The following LYG2 variants were observed in gnomAD, a reference collection of about 807,000 sequenced individuals.
LYG2 encodes lysozyme g2.
Under a neutral mutation model 22.4 loss-of-function variants are expected in LYG2, and 25 were observed. The ratio of observed to expected loss-of-function variants is 1.12; its 90% CI spans 0.81 to 1.56. The LOEUF (loss-of-function observed/expected upper bound fraction) is 1.56. Ranked by LOEUF, LYG2 falls within the 40% of genes most tolerant of loss-of-function variation. The pLI, the probability that LYG2 is intolerant of heterozygous loss-of-function variation, is 0.00. For synonymous variants in LYG2, 88 were observed against 97.0 expected (o/e 0.91, Z 0.55); for missense variants, 266 against 269.5 (o/e 0.99, Z 0.09).
chr2:99,250,863 G>A (rs1314390745), intron 3 of LYG2, among the ~76,000 whole-genome samples: 1 of 152,238 alleles, frequency 6.6e-6, no homozygotes, highest in Non-Finnish European at 1.5e-5. Flanking sequence ...TTAGGGACTG[G>A]TTGAGTAAGT....
Position 99,243,789 on chromosome 2 carries a change from AC to A in LYG2, c.520+209del, listed in dbSNP as rs1439869325. ...CAGTAAGCAATGAATAAGAACCCCA[AC>A]ATTCTGCAGAAGAGGAAATGGAGGT... On this transcript the variant is annotated intron_variant, in intron 6 of 6. Transcript: ENST00000333017. The A allele has an allele frequency of 1.6e-4, 99 of 608,984 alleles. 2 individuals are homozygous for A. In the East Asian group the frequency reaches 2.8e-3, roughly 17 times the overall value. 37.7% of individuals were successfully genotyped at this position (608,984 alleles called of 1,614,324 possible).
chr2:99,260,651 C>T (rs1307380231), upstream of LYG2, among the ~76,000 whole-genome samples: 1 of 152,114 alleles, frequency 6.6e-6, no homozygotes, highest in African/African-American at 2.4e-5. Context: ...CTGGGAGTGA[C>T]TTGAATATAA....
chr2:99,248,055 T>C (rs1318817109), intron 3 of LYG2, among the ~76,000 whole-genome samples: 1 of 152,156 alleles, frequency 6.6e-6, no homozygotes, highest in Non-Finnish European at 1.5e-5. Flanking sequence ...CCAGTTAGAA[T>C]GGCAATCATT....
chr2:99,242,497 A>C lies in LYG2; in HGVS notation c.521-15T>G. ...TGAGAGACCACCTGAAATGAAACAC[A>C]GAGAATTAGGCTCAAATATTAACTT... On this transcript the variant is annotated splice_polypyrimidine_tract_variant and intron_variant, in intron 6 of 6. Coordinates refer to ENST00000333017, the MANE Select transcript of LYG2 (RefSeq NM_175735.4). 1 of 1,515,990 alleles carries C rather than the reference A, an allele frequency of 6.6e-7. No homozygotes were observed. Among genetic ancestry groups the C allele is most frequent in the South Asian group, 1.1e-5 (1 of 88,116 alleles). 93.9% of individuals were successfully genotyped at this position (1,515,990 alleles called of 1,614,324 possible).
At chr2:99,255,823 A>G (rs114122715), upstream of LYG2, among the ~76,000 whole-genome samples, 1,654 of 152,284 alleles carry the variant, frequency 0.011, 9 homozygotes, top group Middle Eastern at 0.024. Flanking sequence ...TCATTTGCCC[A>G]TACTTGCTAA....
At chr2:99,259,529 T>C (rs1030276779), upstream of LYG2, among the ~76,000 whole-genome samples, 5 of 152,178 alleles carry the variant, frequency 3.3e-5, no homozygotes, top group Non-Finnish European at 7.3e-5. Flanking sequence ...CTCCCTGTGG[T>C]TTGGAAAGGA....
upstream of LYG2, among the ~76,000 whole-genome samples, chr2:99,258,052 C>T (rs920179508): frequency 6.6e-6 from 1 of 152,150 alleles, no homozygotes; most frequent in Admixed American, 6.5e-5. Context: ...CTCCCTTGGT[C>T]CCCTCGCCCT....
chr2:99,244,177 T>A, intron 5 of LYG2, 40 bp from the exon 6 acceptor site: 1 of 1,588,974 alleles, frequency 6.3e-7, no homozygotes, highest in Non-Finnish European at 8.6e-7. Context: ...CTGGATGAGG[T>A]AACACATTTT....
intron 3 of LYG2, among the ~76,000 whole-genome samples, chr2:99,252,539 CA>C (rs1021930212): frequency 2.6e-5 from 4 of 152,060 alleles, no homozygotes; most frequent in Admixed American, 2.6e-4. Context: ...ATGCTTGGCA[CA>C]AAGTAGACAT....
At chr2:99,247,166 C>T (rs546334196) in intron 3 of LYG2, among the ~76,000 whole-genome samples, 5 of 152,050 alleles carry the variant, frequency 3.3e-5, no homozygotes, top group South Asian at 2.1e-4. Flanking sequence ...GATCATAGCT[C>T]GCTGCAGGCA....
intron 3 of LYG2, 25 bp from the exon 4 acceptor site, chr2:99,246,845 A>C (rs776472004): frequency 6.2e-7 from 1 of 1,602,146 alleles, no homozygotes; most frequent in African/African-American, 1.3e-5. Context: ...TGTAACTCAC[A>C]TGAATCCTCT....
At chr2:99,248,632 T>C (rs2094020711) in intron 3 of LYG2, among the ~76,000 whole-genome samples, 1 of 149,824 alleles carries the variant, frequency 6.7e-6, no homozygotes. Context: ...TACCTAATGC[T>C]AAATGACGAG....
chr2:99,242,935 A>G (rs2094009009), intron 6 of LYG2, among the ~76,000 whole-genome samples: 1 of 152,212 alleles, frequency 6.6e-6, no homozygotes, highest in Non-Finnish European at 1.5e-5. Flanking sequence ...TTCTTTGGGT[A>G]TGTGTACATA....
chr2:99,243,407 C>A, intron 6 of LYG2: 2 of 1,548,358 alleles, frequency 1.3e-6, no homozygotes, highest in African/African-American at 1.4e-5. Context: ...CCCGAAAATA[C>A]TCACAGAGTA....
intron 5 of LYG2, among the ~76,000 whole-genome samples, chr2:99,244,598 G>GT (rs2094012506): frequency 6.6e-6 from 1 of 152,138 alleles, no homozygotes; most frequent in Non-Finnish European, 1.5e-5. Flanking sequence ...GTTATACCAT[G>GT]TTTTGATCCA....
chr2:99,242,790 A>C (rs1016400948), intron 6 of LYG2, among the ~76,000 whole-genome samples: 6 of 152,190 alleles, frequency 3.9e-5, no homozygotes, highest in African/African-American at 1.4e-4. Context: ...AAATGCTTGT[A>C]ACATTCTCTC....
intron 2 of LYG2, among the ~76,000 whole-genome samples, chr2:99,254,515 T>C (rs1574866344): frequency 6.6e-6 from 1 of 152,166 alleles, no homozygotes; most frequent in Non-Finnish European, 1.5e-5. Flanking sequence ...ACATGAGTCA[T>C]GCGTATCTTA....
chr2:99,243,325 G>A, intron 6 of LYG2: 1 of 965,956 alleles, frequency 1.0e-6, no homozygotes, highest in South Asian at 1.8e-5. Context: ...TTCCATCTGG[G>A]AGATGCTGAA....
chr2:99,249,761 CAAAAAAAAAAA>C (rs70940156), intron 3 of LYG2, among the ~76,000 whole-genome samples: 3 of 65,296 alleles, frequency 4.6e-5, no homozygotes, highest in Admixed American at 3.9e-4. Context: ...AACTCTGTCT[CAAAAAAAAAAA>C]AAAAAAAAAA....
Sources: allele counts gnomAD v4.1 joint callset (sites outside exome capture counted in the v4.1 genomes callset), GRCh38; gene constraint gnomAD v4.1.1; transcripts MANE v1.5; gene names NCBI Gene and HGNC (gene_info 2026-07-23, HGNC 2026-07-21).